Variants in RNF6 observed in about 807,000 individuals in gnomAD.
RNF6 encodes the protein E3 ubiquitin-protein ligase RNF6.
In RNF6, 21 loss-of-function variants were observed where a neutral mutation model predicts 50.1. That is an observed-to-expected ratio of 0.42 (90% CI 0.30 to 0.60). The LOEUF (loss-of-function observed/expected upper bound fraction) is 0.60. Among genes scored for constraint, RNF6 ranks in the 20% least tolerant of loss-of-function variants. The pLI is 0.20. For missense variants in RNF6, 698 were observed against 838.2 expected (o/e 0.83, Z 2.07); for synonymous variants, 255 against 291.8 (o/e 0.87, Z 1.29).
At chr13:26,139,836 TC>T (rs1204183392) in intron 5 of RNF6, among the ~76,000 whole-genome samples, 3 of 152,166 alleles carry the variant, frequency 2.0e-5, no homozygotes, top group Non-Finnish European at 4.4e-5. Context: ...CTTACTTTTT[TC>T]TTTTCTTTTC....
chr13:26,189,413 G>C (rs1868375000), intron 5 of RNF6, among the ~76,000 whole-genome samples: 1 of 152,192 alleles, frequency 6.6e-6, no homozygotes, highest in South Asian at 2.1e-4. Flanking sequence ...AACAGGCTTA[G>C]TGTGAGTTGG....
At chr13:26,207,359 G>T (rs1021290446) in intron 5 of RNF6, among the ~76,000 whole-genome samples, 8 of 152,130 alleles carry the variant, frequency 5.3e-5, no homozygotes. Flanking sequence ...AAGAACAGTA[G>T]GAAATTAACA....
intron 5 of RNF6, among the ~76,000 whole-genome samples, chr13:26,186,390 A>T (rs1036966100): frequency 2.0e-5 from 3 of 152,232 alleles, no homozygotes; most frequent in Non-Finnish European, 2.9e-5. Flanking sequence ...GTCCCGCGGC[A>T]GGAACGCGCT....
intron 5 of RNF6, among the ~76,000 whole-genome samples, chr13:26,175,597 A>T (rs1233894689): frequency 3.3e-5 from 5 of 152,174 alleles, no homozygotes; most frequent in African/African-American, 1.2e-4. Context: ...TTCCCCAAAC[A>T]CTAAGCAATT....
intron 5 of RNF6, among the ~76,000 whole-genome samples, chr13:26,141,163 T>C (rs534524523): frequency 6.6e-6 from 1 of 152,142 alleles, no homozygotes; most frequent in South Asian, 2.1e-4. Context: ...AGAGCGTGAA[T>C]AGCCGAAGCA....
rs997073630 is a variant in RNF6, at chr13:26,179,306, G to T, written n.768+36168C>A. On this transcript the variant is annotated intron_variant and non_coding_transcript_variant, in intron 5 of 5. Transcript: ENST00000468480. ...AGGCAAAGAAAATGTATTACCCACA[G>T]ATAGACAGCAAGAATCAACAGAAGC... Among the ~76,000 whole-genome samples the T allele has an allele frequency of 3.9e-5, 6 of 152,304 alleles. No individual in the cohort carries two copies. In the South Asian group the frequency reaches 1.2e-3, roughly 32 times the overall value.
chr13:26,203,322 G>A (rs1414621004), intron 5 of RNF6, among the ~76,000 whole-genome samples: 7 of 152,248 alleles, frequency 4.6e-5, no homozygotes, highest in African/African-American at 1.4e-4. Context: ...TAGCTTCTCT[G>A]ATGGCAATTG....
At chr13:26,189,475 C>T (rs1405874067) in intron 5 of RNF6, among the ~76,000 whole-genome samples, 1 of 152,136 alleles carries the variant, frequency 6.6e-6, no homozygotes, top group African/African-American at 2.4e-5. Context: ...TGTGTTCATA[C>T]GAAATTTCAT....
intron 5 of RNF6, chr13:26,135,574 A>G (rs1279761403): frequency 6.6e-6 from 1 of 152,218 alleles, no homozygotes; most frequent in Non-Finnish European, 1.5e-5. Flanking sequence ...GTTGCTATAT[A>G]ACACATCAAT....
chr13:26,196,515 C>CA (rs1566429813), intron 5 of RNF6, among the ~76,000 whole-genome samples: 10 of 150,044 alleles, frequency 6.7e-5, no homozygotes, highest in African/African-American at 2.5e-4. Flanking sequence ...AGCCAGTAAT[C>CA]CCAACTACTT....
Position 26,214,257 on chromosome 13 carries a change from G to A in RNF6, c.1625C>T (p.Ala542Val). 1.9e-6 allele frequency: 3 copies of A among 1,614,102 alleles called. No homozygotes were observed. Among genetic ancestry groups the A allele is most frequent in the Non-Finnish European group, 2.5e-6 (3 of 1,180,016 alleles). ...HREGSSQDRQ[A>V]QGDSTEMHGE... ...ATGCATTTCAGTGCTGTCTCCTTGG[G>A]CCTGCCTGTCTTGAGAGGAACCTTC... is the stretch of plus-strand genomic sequence containing the variant. The change falls in exon 5 of 5, where the codon GCC becomes GTC. Residue 542 changes from alanine to valine, a missense_variant. Coordinates refer to ENST00000381588, the MANE Select transcript of RNF6 (RefSeq NM_005977.4).
chr13:26,136,870 G>A (rs1038866857), intron 5 of RNF6, among the ~76,000 whole-genome samples: 4 of 152,092 alleles, frequency 2.6e-5, no homozygotes, highest in East Asian at 1.9e-4. Flanking sequence ...TTTCAAAGCC[G>A]TGAAAATGAA....
Position 26,214,599 on chromosome 13 carries a change from G to A in RNF6, c.1283C>T (p.Ala428Val). Residue 428 changes from alanine (A) to valine (V), a missense_variant, in exon 5 of 5, where the codon GCA becomes GTA. Coordinates refer to ENST00000381588, the MANE Select transcript of RNF6 (RefSeq NM_005977.4). ...ANRTRSRVGLAENTVTIESNS... is the reference protein window; with the variant it reads ...ANRTRSRVGLVENTVTIESNS... ...GCTTTCAATAGTGACTGTATTTTCT[G>A]CTAGCCCTACTCTGGATCGAGTTCT... 6.2e-7 allele frequency: 1 copy of A among 1,614,150 alleles called. No homozygotes were observed. The highest frequency in any genetic ancestry group is 8.5e-7 in the Non-Finnish European group (1 of 1,180,022).
In RNF6 at chr13:26,212,907, T is replaced by G. The variant is rs1013375855; in HGVS notation, c.*917A>C. 71 of 152,546 alleles carry G rather than the reference T, an allele frequency of 4.7e-4. No individual in the cohort carries two copies. The highest frequency in any genetic ancestry group is 1.7e-3 in the African/African-American group (70 of 41,412). 9.4% of individuals were successfully genotyped at this position (152,546 alleles called of 1,614,324 possible). ...TAGCCTCCAAGTGAACTTAACATAT[T>G]GCCTATGCATCTGATTCTTTATAGA... On this transcript the variant is annotated 3_prime_UTR_variant, in exon 5 of 5. Coordinates refer to ENST00000381588, the MANE Select transcript of RNF6 (RefSeq NM_005977.4).
In RNF6 at chr13:26,207,230, CA is replaced by C. The variant is rs35773834; in HGVS notation, n.768+8243del. On this transcript the variant is annotated intron_variant and non_coding_transcript_variant, in intron 5 of 5. Transcript: ENST00000468480. The stretch of plus-strand genomic sequence containing the variant: ...TTTTAGGAAGAGAGAACAGCATGGG[CA>C]AAAAAAAAAAAGTATGAAAGGCAAG... Among the ~76,000 whole-genome samples, 767 of 136,036 alleles carry C rather than the reference CA, an allele frequency of 5.6e-3. 4 individuals are homozygous for C. Among genetic ancestry groups the C allele is most frequent in the African/African-American group, 0.017 (610 of 36,194 alleles). 89.2% of individuals were successfully genotyped at this position (136,036 alleles called of 152,430 possible). A position where few individuals can be genotyped will look rare whatever the true frequency, so the allele number is the denominator to read the frequency against.
intron 5 of RNF6, among the ~76,000 whole-genome samples, chr13:26,153,143 A>G (rs1166928831): frequency 1.5e-5 from 2 of 136,692 alleles, no homozygotes; most frequent in Non-Finnish European, 3.1e-5. Context: ...ACAGAGCAAG[A>G]CTCTGTCTCA....
intron 2 of RNF6, 149 bp from the exon 3 acceptor site, chr13:26,219,816 T>C (rs1870291744): frequency 3.1e-6 from 2 of 652,102 alleles, no homozygotes; most frequent in South Asian, 2.2e-5. Context: ...GAAGCTTACA[T>C]ATAAAATGAA....
chr13:26,175,973 A>T (rs1389935298), intron 5 of RNF6, among the ~76,000 whole-genome samples: 1 of 152,160 alleles, frequency 6.6e-6, no homozygotes, highest in Non-Finnish European at 1.5e-5. Context: ...TTCCAGGGAA[A>T]GCCAGGAGTG....
At chr13:26,141,899 GC>G (rs1338762771) in intron 5 of RNF6, among the ~76,000 whole-genome samples, 1 of 152,036 alleles carries the variant, frequency 6.6e-6, no homozygotes, top group Non-Finnish European at 1.5e-5. Context: ...AAACTAAAGA[GC>G]TTCTGCACAG....
Sources: gnomAD v4.1 joint callset for allele counts (sites outside exome capture counted in the v4.1 genomes callset) on GRCh38, gnomAD v4.1.1 for gene constraint, MANE v1.5 for transcripts, NCBI Gene and HGNC (gene_info 2026-07-23, HGNC 2026-07-21) for gene names.